Variants in GATAD2A observed in about 807,000 individuals in gnomAD.
GATAD2A encodes the protein transcriptional repressor p66-alpha.
Under a neutral mutation model 68.5 loss-of-function variants are expected in GATAD2A, and 12 were observed. The observed-to-expected ratio is 0.18, with a 90% CI of 0.11 to 0.28. GATAD2A has a LOEUF of 0.28. Among genes scored for constraint, GATAD2A ranks in the 10% least tolerant of loss-of-function variants. The probability of loss-of-function intolerance (pLI) is 1.00; values close to 1 mark genes in which losing one functional copy is unlikely to be tolerated. For synonymous variants in GATAD2A, 410 were observed against 375.3 expected (o/e 1.09, Z -1.07); for missense variants, 755 against 868.5 (o/e 0.87, Z 1.64).
rs1413522810 is a variant in GATAD2A at position 19,494,285 on chromosome 19, C to T, written c.535-9C>T. The T allele has an allele frequency of 1.3e-6, 2 of 1,585,572 alleles. No homozygotes were observed. The highest frequency in any genetic ancestry group is 8.7e-7 in the Non-Finnish European group (1 of 1,155,132). ...GCCCCTCACCTCCTGGTGTCCTGCT[C>T]TCTTGCAGCCCACAGGTTCTGTTGG... On this transcript the variant is annotated splice_polypyrimidine_tract_variant and intron_variant, in intron 4 of 11. Transcript: ENST00000683918.
At chr19:19,395,713 A>ATAGGTCCT (rs779938900) in intron 1 of GATAD2A, among the ~76,000 whole-genome samples, 86 of 152,268 alleles carry the variant, frequency 5.6e-4, no homozygotes, top group Admixed American at 9.8e-4. Context: ...CCGACAGTAG[A>ATAGGTCCT]TAGGTCCTTC....
chr19:19,482,364 A>G (rs2059119847), intron 2 of GATAD2A, among the ~76,000 whole-genome samples: 1 of 152,234 alleles, frequency 6.6e-6, no homozygotes, highest in Admixed American at 6.5e-5. Flanking sequence ...AGATCGCGCC[A>G]CTGCACTCCA....
intron 2 of GATAD2A, among the ~76,000 whole-genome samples, chr19:19,480,841 A>C (rs971693467): frequency 2.6e-5 from 4 of 152,228 alleles, no homozygotes; most frequent in Admixed American, 1.3e-4. Context: ...CTAGGGGGAC[A>C]GGTGCAAGTG....
At chr19:19,447,848 A>G (rs1056980308) in intron 1 of GATAD2A, among the ~76,000 whole-genome samples, 1 of 152,102 alleles carries the variant, frequency 6.6e-6, no homozygotes, top group Non-Finnish European at 1.5e-5. Flanking sequence ...CTCACTTTCC[A>G]CTTGACATTT....
chr19:19,439,562 A>G (rs151152895), intron 1 of GATAD2A, among the ~76,000 whole-genome samples: 72 of 152,294 alleles, frequency 4.7e-4, no homozygotes, highest in Admixed American at 2.4e-3. Context: ...GCAAAAGGAC[A>G]AGTGGTCAGG....
chr19:19,484,377 A>G (rs1251226387), intron 2 of GATAD2A, among the ~76,000 whole-genome samples: 1 of 152,094 alleles, frequency 6.6e-6, no homozygotes, highest in African/African-American at 2.4e-5. Flanking sequence ...TCCAGGCTAC[A>G]TTGAACTATG....
At chr19:19,398,202 CTTAT>C (rs1266674034) in intron 1 of GATAD2A, among the ~76,000 whole-genome samples, 5 of 147,428 alleles carry the variant, frequency 3.4e-5, no homozygotes, top group East Asian at 4.1e-4. Context: ...TGCTAACCGC[CTTAT>C]TTATTTATTT....
At chr19:19,499,642 T>G (rs1268711296) in intron 8 of GATAD2A, among the ~76,000 whole-genome samples, 1 of 152,104 alleles carries the variant, frequency 6.6e-6, no homozygotes, top group Non-Finnish European at 1.5e-5. Flanking sequence ...GGTACTTTGG[T>G]GCATCAACTG....
At chr19:19,424,829 T>C (rs1177998069) in intron 1 of GATAD2A, among the ~76,000 whole-genome samples, 1 of 151,940 alleles carries the variant, frequency 6.6e-6, no homozygotes, top group Non-Finnish European at 1.5e-5. Flanking sequence ...AAAAACAAAC[T>C]TGAGCTGGGT....
At position 19,505,724 on chromosome 19, in the gene GATAD2A, C is replaced by T. The variant is rs538252648; in HGVS notation, c.*250C>T. ...GGGACCTTTCCCGTGGGCTTTCTTC[C>T]TTTCTCTCTTTGCCTTTAGTTTGCC... On this transcript the variant is annotated 3_prime_UTR_variant, in exon 12 of 12. Coordinates refer to ENST00000683918, the MANE Select transcript of GATAD2A (RefSeq NM_001384528.1). 21 of 473,336 alleles carry T rather than the reference C, an allele frequency of 4.4e-5. 2 individuals carry two copies. The South Asian group carries it at 7.6e-4, about 17-fold the overall frequency. The allele number at this position is 473,336 out of a possible 1,614,324, so 29.3% of individuals were successfully genotyped here. A position where few individuals can be genotyped will look rare whatever the true frequency, so the allele number is the denominator to read the frequency against.
At chr19:19,402,842 T>G (rs2049894557), upstream of GATAD2A, among the ~76,000 whole-genome samples, 1 of 150,578 alleles carries the variant, frequency 6.6e-6, no homozygotes, top group Non-Finnish European at 1.5e-5. Flanking sequence ...AGCGCGATCT[T>G]GGCTCACTGC....
chr19:19,406,702 G>A (rs1246091903), intron 1 of GATAD2A, among the ~76,000 whole-genome samples: 3 of 152,202 alleles, frequency 2.0e-5, no homozygotes, highest in Admixed American at 2.0e-4. Context: ...TCAGTGACTA[G>A]ACAGCAGCAG....
chr19:19,495,288 C>T (rs959231930), intron 5 of GATAD2A, among the ~76,000 whole-genome samples: 1 of 150,830 alleles, frequency 6.6e-6, no homozygotes, highest in Non-Finnish European at 1.5e-5. Flanking sequence ...GCCACCACAC[C>T]CAGCCAGCTT....
chr19:19,474,029 C>T (rs2058501378), intron 2 of GATAD2A: 3 of 985,032 alleles, frequency 3.0e-6, no homozygotes, highest in South Asian at 9.4e-5. Context: ...TTGCTTCTTC[C>T]TAGACATCCA....
Position 19,508,216 on chromosome 19 carries a change from C to CAA in GATAD2A, c.*2743_*2744insAA, listed in dbSNP as rs1491294115. 6.6e-6 allele frequency: 1 copy of CAA among 152,218 alleles called. No homozygotes were observed. The highest frequency in any genetic ancestry group is 1.5e-5 in the Non-Finnish European group (1 of 68,046). The allele number at this position is 152,218 out of a possible 1,614,324, so 9.4% of individuals were successfully genotyped here. A position where few individuals can be genotyped will look rare whatever the true frequency, so the allele number is the denominator to read the frequency against. Reference sequence around the variant, plus strand: ...TCTGTAGACAGGGCTGGGGAGATCTCAGAGTTCACACCTCGCCTGTTGTAG... The same window carrying CAA: ...TCTGTAGACAGGGCTGGGGAGATCTCAAAGAGTTCACACCTCGCCTGTTGTAG... On this transcript the variant is annotated 3_prime_UTR_variant, in exon 12 of 12. Transcript: ENST00000683918.
At position 19,465,416 on chromosome 19, in the gene GATAD2A, T is replaced by G. The variant is rs2148018197; in HGVS notation, c.71T>G (p.Val24Gly). ...GAACGGGACCCAACAGAGGACGATGTGGAGAGCAAGAAAATAAAAATGGAG... is the reference window on the plus strand; with the variant it reads ...GAACGGGACCCAACAGAGGACGATGGGGAGAGCAAGAAAATAAAAATGGAG... ...ALERDPTEDD[V>G]ESKKIKMERG... Residue 24 changes from valine to glycine, a missense_variant, in exon 2 of 12, where the codon GTG (valine) becomes GGG (glycine). Val to Gly is a moderately radical substitution (Grantham distance 109). Transcript: ENST00000683918. The G allele has an allele frequency of 1.2e-6, 2 of 1,613,702 alleles. No homozygotes were observed. Among genetic ancestry groups the G allele is most frequent in the East Asian group, 4.5e-5 (2 of 44,874 alleles).
intron 1 of GATAD2A, among the ~76,000 whole-genome samples, chr19:19,454,929 A>G (rs192154922): frequency 4.6e-5 from 7 of 152,310 alleles, no homozygotes; most frequent in Admixed American, 2.0e-4. Flanking sequence ...TTGGAAAACT[A>G]TGGCCCACAA....
rs774628499 is a variant in GATAD2A at position 19,498,467 on chromosome 19, A to G, written c.949A>G (p.Thr317Ala). 6 of 1,608,874 alleles carry G rather than the reference A, an allele frequency of 3.7e-6. No homozygotes were observed. The highest frequency in any genetic ancestry group is 5.1e-6 in the Non-Finnish European group (6 of 1,175,650). ...GCCCACCCCAGCATCACTGAAGGGG[A>G]CAACAGCCACCTCCGCTCAGGCCAA... ...PQPTPASLKG[T>A]TATSAQANST... is the part of the protein sequence containing the mutation. Residue 317 changes from threonine to alanine, a missense_variant, in exon 8 of 12, where the codon ACA (threonine) becomes GCA (alanine). Physicochemically the swap from Thr to Ala is moderately conservative, Grantham distance 58. Coordinates refer to ENST00000683918, the MANE Select transcript of GATAD2A (RefSeq NM_001384528.1).
At position 19,501,358 on chromosome 19, in the gene GATAD2A, C is replaced by CGGCCCCTGCACAGGCCAA. The variant is rs773184860; in HGVS notation, c.1450_1467dup (p.Pro484_Ala489dup). On this transcript the variant is annotated inframe_insertion, in exon 9 of 12. Transcript: ENST00000683918. The stretch of plus-strand genomic sequence containing the variant: ...GAGCAGCGGCTCCTGCAGCAGGGCA[C>CGGCCCCTGCACAGGCCAA]GGCCCCTGCACAGGCCAAGGCCGAG... 2 of 1,611,268 alleles carry CGGCCCCTGCACAGGCCAA rather than the reference C, an allele frequency of 1.2e-6. No individual in the cohort carries two copies. The highest frequency in any genetic ancestry group is 1.7e-6 in the Non-Finnish European group (2 of 1,179,340).
Sources: allele counts gnomAD v4.1 joint callset (sites outside exome capture counted in the v4.1 genomes callset), GRCh38; gene constraint gnomAD v4.1.1; transcripts MANE v1.5; gene names NCBI Gene and HGNC (gene_info 2026-07-23, HGNC 2026-07-21).